AKT3: variants seen among roughly 807,000 people sequenced by gnomAD.
AKT3 encodes RAC-gamma serine/threonine-protein kinase.
AKT3 carries 15 observed loss-of-function variants against 65.3 expected under a neutral mutation model. The observed-to-expected ratio is 0.23, with a 90% CI of 0.15 to 0.35. The LOEUF (loss-of-function observed/expected upper bound fraction) is 0.35, where lower values mean the gene tolerates loss of function less well. Ranked by LOEUF, AKT3 falls within the 10% of genes least tolerant of loss-of-function variation. The pLI, the probability that AKT3 is intolerant of heterozygous loss-of-function variation, is 1.00. For missense variants in AKT3, 243 were observed against 576.5 expected, an observed-to-expected ratio of 0.42 and a Z score of 5.92; for synonymous variants, 206 against 183.8, an observed-to-expected ratio of 1.12 and a Z score of -0.98.
At chr1:243,570,129 A>G (rs1023583775) in intron 9 of AKT3, among the ~76,000 whole-genome samples, 19 of 152,236 alleles carry the variant, frequency 1.2e-4, no homozygotes, top group African/African-American at 4.6e-4. Flanking sequence ...GGAAACAGGA[A>G]CTGATAAAAA....
chr1:243,713,259 C>CA (rs749612700), intron 2 of AKT3, among the ~76,000 whole-genome samples: 107 of 152,260 alleles, frequency 7.0e-4, no homozygotes, highest in Non-Finnish European at 7.4e-4. Context: ...TATCTACCAT[C>CA]AACACGGAGA....
chr1:243,554,867 C>T (rs1483656422), intron 10 of AKT3, among the ~76,000 whole-genome samples: 1 of 151,920 alleles, frequency 6.6e-6, no homozygotes, highest in Non-Finnish European at 1.5e-5. Context: ...GGTTCTCATC[C>T]CCAGCTGGCA....
intron 2 of AKT3, among the ~76,000 whole-genome samples, chr1:243,751,816 T>C (rs1429996204): frequency 6.6e-6 from 1 of 152,226 alleles, no homozygotes; most frequent in African/African-American, 2.4e-5. Context: ...GCTGTAGCTA[T>C]TCCAGGTGAG....
At chr1:243,760,326 T>C (rs1450964786) in intron 2 of AKT3, among the ~76,000 whole-genome samples, 1 of 146,554 alleles carries the variant, frequency 6.8e-6, no homozygotes, top group East Asian at 2.0e-4. Flanking sequence ...AGGATATTGC[T>C]ATGTTGCCCA....
chr1:243,702,809 A>G (rs1344004997), intron 2 of AKT3: 3 of 152,276 alleles, frequency 2.0e-5, no homozygotes, highest in African/African-American at 7.2e-5. Flanking sequence ...GAATATCAGG[A>G]TATCAGAGGG....
chr1:243,642,085 A>G (rs1420794832), intron 5 of AKT3, among the ~76,000 whole-genome samples: 2 of 152,230 alleles, frequency 1.3e-5, no homozygotes, highest in Non-Finnish European at 2.9e-5. Context: ...CATGGAAATT[A>G]CTATTAGTTA....
At chr1:243,655,082 T>C (rs1681662018) in intron 4 of AKT3, among the ~76,000 whole-genome samples, 1 of 152,166 alleles carries the variant, frequency 6.6e-6, no homozygotes, top group Non-Finnish European at 1.5e-5. Flanking sequence ...GCTCACCGCA[T>C]TGTTTTTATC....
chr1:243,793,593 G>C (rs547532905), intron 2 of AKT3: 1 of 152,212 alleles, frequency 6.6e-6, no homozygotes, highest in African/African-American at 2.4e-5. Context: ...GGGCAACACA[G>C]TGAAACCCTG....
chr1:243,833,877 T>C (rs1003236215), intron 2 of AKT3, among the ~76,000 whole-genome samples: 1 of 151,742 alleles, frequency 6.6e-6, no homozygotes, highest in African/African-American at 2.4e-5. Context: ...CTGGACAACA[T>C]ATTGAGACTC....
intron 2 of AKT3, among the ~76,000 whole-genome samples, chr1:243,840,790 G>T (rs945439276): frequency 1.3e-5 from 2 of 151,862 alleles, no homozygotes; most frequent in South Asian, 2.1e-4. Flanking sequence ...CTGTTAAACA[G>T]CTATAAGTTT....
rs140449136 is a variant in AKT3 at position 243,524,280 on chromosome 1, C to A, written c.1252-11854G>T. ...GTGAGTAAAGACAAGAAAATATTCA[C>A]AGGAGGTTCTTTGGTGTTTTGGCCA... is the stretch of plus-strand genomic sequence containing the variant. On this transcript the variant is annotated intron_variant, in intron 12 of 13. Coordinates refer to ENST00000673466, the MANE Select transcript of AKT3 (RefSeq NM_005465.7). 3.3e-3 allele frequency among the ~76,000 whole-genome samples: 501 copies of A among 152,284 alleles called. 4 individuals carry two copies. Among genetic ancestry groups the A allele is most frequent in the African/African-American group, 0.012 (496 of 41,558 alleles).
intron 8 of AKT3, among the ~76,000 whole-genome samples, chr1:243,587,199 C>A (rs903793669): frequency 5.9e-5 from 9 of 152,160 alleles, no homozygotes; most frequent in African/African-American, 2.2e-4. Context: ...GTGAGATAAG[C>A]ATCTTTATAC....
At position 243,755,234 on chromosome 1, in the gene AKT3, A is replaced by C. The variant is rs866894914; in HGVS notation, c.47-59518T>G. Among the ~76,000 whole-genome samples, 20 of 131,096 alleles carry C rather than the reference A, an allele frequency of 1.5e-4. No homozygotes were observed. In the South Asian group the frequency reaches 4.9e-3, roughly 32 times the overall value. The allele number at this position is 131,096 out of a possible 152,430, so 86.0% of individuals were successfully genotyped here. ...CAGGCGGGCGACACCACGCCTGGTT[A>C]ATTTTTTTTTTTTTTTTTTTAGTAG... On this transcript the variant is annotated intron_variant, in intron 2 of 13. Coordinates refer to ENST00000673466, the MANE Select transcript of AKT3 (RefSeq NM_005465.7).
At chr1:243,684,113 A>T (rs1288340252) in intron 3 of AKT3, among the ~76,000 whole-genome samples, 1 of 151,934 alleles carries the variant, frequency 6.6e-6, no homozygotes, top group Non-Finnish European at 1.5e-5. Flanking sequence ...TTTTTTTAGC[A>T]ATCAATATAT....
intron 8 of AKT3, among the ~76,000 whole-genome samples, chr1:243,607,154 C>G (rs995008812): frequency 6.6e-6 from 1 of 152,216 alleles, no homozygotes; most frequent in African/African-American, 2.4e-5. Context: ...CACACAGAGT[C>G]CCCACTGGGG....
intron 2 of AKT3, among the ~76,000 whole-genome samples, chr1:243,804,657 T>C (rs1692611143): frequency 6.6e-6 from 1 of 152,096 alleles, no homozygotes; most frequent in Admixed American, 6.5e-5. Flanking sequence ...CCATCCTGGC[T>C]AACACAGTGA....
At chr1:243,771,774 C>T (rs1690201128) in intron 2 of AKT3, among the ~76,000 whole-genome samples, 1 of 152,108 alleles carries the variant, frequency 6.6e-6, no homozygotes, top group Non-Finnish European at 1.5e-5. Context: ...TGCCATGCTA[C>T]CTGACTTCAA....
At chr1:243,743,683 G>C (rs2148185001) in intron 2 of AKT3, among the ~76,000 whole-genome samples, 1 of 152,164 alleles carries the variant, frequency 6.6e-6, no homozygotes, top group African/African-American at 2.4e-5. Context: ...ATATGAAAAA[G>C]AGTTCTACTT....
chr1:243,710,856 A>T (rs2148073687), intron 2 of AKT3, among the ~76,000 whole-genome samples: 1 of 152,332 alleles, frequency 6.6e-6, no homozygotes, highest in African/African-American at 2.4e-5. Flanking sequence ...TAATGCTTTA[A>T]ACCTCCATGA....
Sources: gnomAD v4.1 joint callset for allele counts (sites outside exome capture counted in the v4.1 genomes callset) on GRCh38, gnomAD v4.1.1 for gene constraint, MANE v1.5 for transcripts, NCBI Gene and HGNC (gene_info 2026-07-23, HGNC 2026-07-21) for gene names.